Variants in YY1AP1 observed in about 807,000 individuals in gnomAD.
The protein encoded by YY1AP1 is YY1 associated protein 1.
In YY1AP1, 43 loss-of-function variants were observed where a neutral mutation model predicts 39.9. The observed-to-expected ratio is 1.08, with a 90% CI of 0.84 to 1.39. The LOEUF (loss-of-function observed/expected upper bound fraction) is 1.39, where lower values mean the gene tolerates loss of function less well. YY1AP1 is among the 40% of genes most tolerant of loss of function. The probability of loss-of-function intolerance (pLI) is 0.00; values close to 1 mark genes in which losing one functional copy is unlikely to be tolerated. For missense variants in YY1AP1, 813 were observed against 900.7 expected, an observed-to-expected ratio of 0.90 and a Z score of 1.25; for synonymous variants, 292 against 331.3, an observed-to-expected ratio of 0.88 and a Z score of 1.29.
At chr1:155,679,878 T>G (rs563307983) in intron 3 of YY1AP1, 1 of 912,550 alleles carries the variant, frequency 1.1e-6, no homozygotes, top group African/African-American at 1.8e-5. Flanking sequence ...CAAATGACAG[T>G]AGGGGAAGCC....
chr1:155,681,729 A>G (rs1435450285), intron 2 of YY1AP1, among the ~76,000 whole-genome samples: 1 of 152,254 alleles, frequency 6.6e-6, no homozygotes, highest in African/African-American at 2.4e-5. Flanking sequence ...GATGATGTAA[A>G]GCTGTAAAGC....
chr1:155,672,788 A>T, intron 6 of YY1AP1, 57 bp from the exon 7 acceptor site: 2 of 1,613,064 alleles, frequency 1.2e-6, no homozygotes, highest in Non-Finnish European at 8.5e-7. Context: ...TAATACCAAT[A>T]GCCTTCAGAA....
In YY1AP1 at chr1:155,676,723, A is replaced by C; in HGVS notation, c.149T>G (p.Leu50Arg). 1 of 1,614,110 alleles carries C rather than the reference A, an allele frequency of 6.2e-7. No homozygotes were observed. Among genetic ancestry groups the C allele is most frequent in the South Asian group, 1.1e-5 (1 of 91,086 alleles). Residue 50 changes from leucine (L) to arginine (R), a missense_variant, in exon 5 of 11, where the codon CTA becomes CGA. Leu to Arg is a moderately radical substitution (Grantham distance 102). Coordinates refer to ENST00000355499, the MANE Select transcript of YY1AP1 (RefSeq NM_139119.3). ...ALRFEELLANLLNEQHQIAKE... is the reference protein window; with the variant it reads ...ALRFEELLANRLNEQHQIAKE... ...CGCTATCTGATGTTGTTCATTTAGTAGGTTGGCCAGTAGTTCCTCAAACCT... is the reference window on the plus strand; with the variant it reads ...CGCTATCTGATGTTGTTCATTTAGTCGGTTGGCCAGTAGTTCCTCAAACCT...
At chr1:155,667,279 G>A (rs764631151) in intron 9 of YY1AP1, among the ~76,000 whole-genome samples, 3 of 151,980 alleles carry the variant, frequency 2.0e-5, no homozygotes, top group Non-Finnish European at 2.9e-5. Flanking sequence ...TGAGGCAAGA[G>A]GACTGCTTGA....
At chr1:155,678,474 C>T (rs1045978370) in intron 4 of YY1AP1, among the ~76,000 whole-genome samples, 17 of 152,120 alleles carry the variant, frequency 1.1e-4, no homozygotes, top group Admixed American at 2.6e-4. Context: ...TCCTATTATA[C>T]GTTCCCAGGA....
At position 155,668,710 on chromosome 1, in the gene YY1AP1, G is replaced by A; in HGVS notation, c.796C>T (p.Leu266Phe). ...EFLNPLISKY[L>F]LTCKTARQLT... ...TGGCGGGCAGTCTTGCAGGTTAGAA[G>A]GTACTTGCTGATTAGAGGGTTAAGA... Residue 266 changes from leucine (L) to phenylalanine (F), a missense_variant, in exon 9 of 11, where the codon CTT becomes TTT. Coordinates refer to ENST00000355499, the MANE Select transcript of YY1AP1 (RefSeq NM_139119.3). 6.2e-7 allele frequency: 1 copy of A among 1,614,158 alleles called. No homozygotes were observed. The highest frequency in any genetic ancestry group is 8.5e-7 in the Non-Finnish European group (1 of 1,180,028).
At chr1:155,670,848 G>A in intron 7 of YY1AP1, 1 of 232,102 alleles carries the variant, frequency 4.3e-6, no homozygotes, top group Non-Finnish European at 8.6e-6. Context: ...CTGATTTTTT[G>A]TATTTTTAGT....
chr1:155,666,573 G>A (rs556928728), intron 9 of YY1AP1, among the ~76,000 whole-genome samples: 5 of 152,304 alleles, frequency 3.3e-5, no homozygotes, highest in African/African-American at 1.2e-4. Flanking sequence ...GGCTTCCGTG[G>A]TTTATGGTTA....
At chr1:155,664,108 G>A (rs1648587454) in intron 9 of YY1AP1, among the ~76,000 whole-genome samples, 1 of 151,510 alleles carries the variant, frequency 6.6e-6, no homozygotes, top group Non-Finnish European at 1.5e-5. Flanking sequence ...TGGGCAACAG[G>A]GTGGGACCCT....
intron 2 of YY1AP1, among the ~76,000 whole-genome samples, chr1:155,683,164 A>G (rs1651761458): frequency 6.6e-6 from 1 of 152,236 alleles, no homozygotes; most frequent in Non-Finnish European, 1.5e-5. Context: ...CAGGAATCCT[A>G]TACCAGTACT....
intron 5 of YY1AP1, among the ~76,000 whole-genome samples, chr1:155,676,221 C>CA (rs548708519): frequency 3.5e-3 from 436 of 123,420 alleles, no homozygotes; most frequent in Middle Eastern, 0.014. Flanking sequence ...GACTACGTCT[C>CA]AAAAAAAAAA....
chr1:155,688,977 G>T (rs1222830609), upstream of YY1AP1: 2 of 1,607,880 alleles, frequency 1.2e-6, no homozygotes, highest in Admixed American at 3.4e-5. Flanking sequence ...CCTCCTCCAT[G>T]GGACCGCGGC....
chr1:155,679,253 C>T (rs764019145), intron 4 of YY1AP1, 156 bp downstream of exon 4: 1 of 1,537,142 alleles, frequency 6.5e-7, no homozygotes, highest in Non-Finnish European at 8.8e-7. Context: ...AACAAGGAGA[C>T]TTCACTTGAC....
Position 155,676,565 on chromosome 1 carries a change from G to C in YY1AP1, c.307C>G (p.Gln103Glu), listed in dbSNP as rs975018872. 4 of 1,614,044 alleles carry C rather than the reference G, an allele frequency of 2.5e-6. No homozygotes were observed. In the African/African-American group the frequency reaches 4.0e-5, roughly 16 times the overall value. The change falls in exon 5 of 11, where the codon CAG (glutamine) becomes GAG (glutamate). Residue 103 changes from glutamine (Q) to glutamate (E), a missense_variant. By Grantham distance (29) the Gln-to-Glu change is conservative. Transcript: ENST00000355499. ...AGTGTTACCTGCTGCATCTGCTGCT[G>C]GAGTCTCTTCCTTTGTGCTGGGTCC... ...ILDPAQRKRL[Q>E]QQMQQHVQLL...
chr1:155,680,033 C>T (rs528375399), intron 3 of YY1AP1: 39 of 229,202 alleles, frequency 1.7e-4, no homozygotes, highest in Middle Eastern at 1.9e-3. Context: ...AATAATTAGC[C>T]GGGCCTGTAG....
chr1:155,677,068 A>C (rs1650801286), intron 4 of YY1AP1, among the ~76,000 whole-genome samples: 1 of 152,156 alleles, frequency 6.6e-6, no homozygotes. Context: ...AGCTGGTGGG[A>C]ACTCATCATT....
intron 2 of YY1AP1, among the ~76,000 whole-genome samples, chr1:155,683,680 A>C (rs1348453200): frequency 1.3e-5 from 2 of 152,230 alleles, no homozygotes; most frequent in East Asian, 1.9e-4. Context: ...AAAACAAAAA[A>C]AACAACAACA....
intron 1 of YY1AP1, 82 bp from the exon 2 acceptor site, chr1:155,688,283 A>C: frequency 6.3e-7 from 1 of 1,585,158 alleles, no homozygotes; most frequent in South Asian, 1.1e-5. Flanking sequence ...CGCAACCGAC[A>C]CTGGGATCGT....
intron 2 of YY1AP1, 64 bp from the exon 3 acceptor site, chr1:155,680,520 T>G: frequency 1.5e-6 from 2 of 1,352,490 alleles, no homozygotes; most frequent in South Asian, 2.3e-5. Flanking sequence ...AGGAATTCCA[T>G]GTAGACAATG....
Sources: gnomAD v4.1 joint callset for allele counts (sites outside exome capture counted in the v4.1 genomes callset) on GRCh38, gnomAD v4.1.1 for gene constraint, MANE v1.5 for transcripts, NCBI Gene and HGNC (gene_info 2026-07-23, HGNC 2026-07-21) for gene names.